SPOCK1: variants seen among roughly 807,000 people sequenced by gnomAD.
The protein encoded by SPOCK1 is testican-1.
SPOCK1 carries 23 observed loss-of-function variants against 55.3 expected under a neutral mutation model. The ratio of observed to expected loss-of-function variants is 0.42; its 90% CI spans 0.30 to 0.59. The LOEUF (loss-of-function observed/expected upper bound fraction) is 0.59. Ranked by LOEUF, SPOCK1 falls within the 20% of genes least tolerant of loss-of-function variation. The probability of loss-of-function intolerance (pLI) is 0.22; values close to 1 mark genes in which losing one functional copy is unlikely to be tolerated. For missense variants in SPOCK1, 499 were observed against 552.5 expected (o/e 0.90, Z 0.97); for synonymous variants, 226 against 221.0 (o/e 1.02, Z -0.20).
intron 3 of SPOCK1, among the ~76,000 whole-genome samples, chr5:137,261,857 C>T (rs1756747942): frequency 6.6e-6 from 1 of 152,158 alleles, no homozygotes; most frequent in African/African-American, 2.4e-5. Context: ...AACTTCATAG[C>T]CAAATAAATT....
chr5:137,352,418 CGCGGTGACT>C (rs1750700183), intron 2 of SPOCK1, among the ~76,000 whole-genome samples: 2 of 152,210 alleles, frequency 1.3e-5, no homozygotes, highest in African/African-American at 4.8e-5. Flanking sequence ...GTGGTTATAA[CGCGGTGACT>C]GCTGAGGATG....
rs1255285538 is a variant in SPOCK1 at position 137,454,845 on chromosome 5, A to G, written c.186+43528T>C. Among the ~76,000 whole-genome samples, 4 of 152,216 alleles carry G rather than the reference A, an allele frequency of 2.6e-5. No individual in the cohort carries two copies. The East Asian group carries it at 7.7e-4, about 29-fold the overall frequency. ...AATGCTGTCAAATCATATATATGCA[A>G]AAGGGGAGTTGCTTTTAGATGCCAG... On this transcript the variant is annotated intron_variant, in intron 2 of 10. Coordinates refer to ENST00000394945, the MANE Select transcript of SPOCK1 (RefSeq NM_004598.4).
At chr5:137,084,530 A>G (rs773236128) in intron 5 of SPOCK1, among the ~76,000 whole-genome samples, 8 of 152,090 alleles carry the variant, frequency 5.3e-5, no homozygotes, top group Non-Finnish European at 1.0e-4. Context: ...AATGAGGCCA[A>G]GTAGAATCAG....
At chr5:137,389,748 A>C (rs1436538000) in intron 2 of SPOCK1, among the ~76,000 whole-genome samples, 1 of 152,104 alleles carries the variant, frequency 6.6e-6, no homozygotes, top group East Asian at 1.9e-4. Context: ...TGGAAGAAAA[A>C]CCAGTTGGCC....
chr5:137,162,379 T>C (rs1416557014), intron 3 of SPOCK1, among the ~76,000 whole-genome samples: 2 of 152,128 alleles, frequency 1.3e-5, no homozygotes, highest in Non-Finnish European at 2.9e-5. Flanking sequence ...CCTCAGGTGA[T>C]TCTCCTGCCT....
chr5:137,255,167 G>T (rs1369540197), intron 3 of SPOCK1, among the ~76,000 whole-genome samples: 1 of 152,142 alleles, frequency 6.6e-6, no homozygotes, highest in African/African-American at 2.4e-5. Context: ...AAGCTTACTG[G>T]GGTATTCACT....
At chr5:137,170,676 C>G (rs1210866397) in intron 3 of SPOCK1, among the ~76,000 whole-genome samples, 1 of 151,894 alleles carries the variant, frequency 6.6e-6, no homozygotes, top group Non-Finnish European at 1.5e-5. Context: ...AAGTTGCCTG[C>G]AAGCCAGGAA....
intron 3 of SPOCK1, among the ~76,000 whole-genome samples, chr5:137,257,423 A>G (rs1384355829): frequency 6.6e-6 from 1 of 152,144 alleles, no homozygotes; most frequent in Non-Finnish European, 1.5e-5. Flanking sequence ...AAGGAACCTC[A>G]GAGAGTTCTC....
At chr5:137,411,794 T>C (rs556787184) in intron 2 of SPOCK1, among the ~76,000 whole-genome samples, 1 of 152,286 alleles carries the variant, frequency 6.6e-6, no homozygotes, top group South Asian at 2.1e-4. Context: ...ATAAATGCAA[T>C]GGATAATGAC....
At position 137,240,522 on chromosome 5, in the gene SPOCK1, C is replaced by A. The variant is rs576052155; in HGVS notation, c.232+26488G>T. Among the ~76,000 whole-genome samples the A allele has an allele frequency of 5.9e-5, 9 of 152,310 alleles. 1 individual carries two copies. In the Middle Eastern group the frequency reaches 0.02, roughly 345 times the overall value. Reference sequence around the variant, plus strand: ...GAGGGCTACACCCCAGTGATCCCGACACCTCCCACCAGATGCCACCTCCAA... The same window carrying A: ...GAGGGCTACACCCCAGTGATCCCGAAACCTCCCACCAGATGCCACCTCCAA... On this transcript the variant is annotated intron_variant, in intron 3 of 10. Coordinates refer to ENST00000394945, the MANE Select transcript of SPOCK1 (RefSeq NM_004598.4).
intron 3 of SPOCK1, among the ~76,000 whole-genome samples, chr5:137,252,357 A>C (rs1055864061): frequency 5.9e-5 from 9 of 152,234 alleles, no homozygotes; most frequent in African/African-American, 1.9e-4. Flanking sequence ...TCTAAGAAAA[A>C]TGGTACACAT....
intron 2 of SPOCK1, among the ~76,000 whole-genome samples, chr5:137,394,543 A>G (rs1395135116): frequency 6.6e-6 from 1 of 152,216 alleles, no homozygotes; most frequent in Non-Finnish European, 1.5e-5. Context: ...CTTCATCAGC[A>G]TTAGTGCTGG....
intron 2 of SPOCK1, among the ~76,000 whole-genome samples, chr5:137,296,388 C>T (rs867033374): frequency 6.6e-6 from 1 of 152,128 alleles, no homozygotes; most frequent in Non-Finnish European, 1.5e-5. Flanking sequence ...CATTAAAGGA[C>T]GTCATTTCTA....
At chr5:137,131,571 G>C (rs531731332) in intron 4 of SPOCK1, among the ~76,000 whole-genome samples, 2 of 151,872 alleles carry the variant, frequency 1.3e-5, no homozygotes, top group Admixed American at 6.6e-5. Flanking sequence ...TCATGCCACT[G>C]CACTCCAGCC....
intron 2 of SPOCK1, among the ~76,000 whole-genome samples, chr5:137,268,132 T>C (rs1272256452): frequency 2.0e-5 from 3 of 152,230 alleles, no homozygotes; most frequent in East Asian, 1.9e-4. Context: ...CACGATCTCC[T>C]GTGAATTTTA....
chr5:137,404,738 G>T (rs537240513), intron 2 of SPOCK1, among the ~76,000 whole-genome samples: 2 of 151,956 alleles, frequency 1.3e-5, no homozygotes, highest in African/African-American at 4.8e-5. Flanking sequence ...TTTAAATATC[G>T]TTGGTACAGG....
At chr5:137,267,203 G>T in intron 2 of SPOCK1, 148 bp from the exon 3 acceptor site, 1 of 628,792 alleles carries the variant, frequency 1.6e-6, no homozygotes, top group Non-Finnish European at 2.8e-6. Flanking sequence ...GCATTAATGT[G>T]TAATAAAAAA....
chr5:136,994,707 G>GCTAT (rs1751008834), intron 6 of SPOCK1, among the ~76,000 whole-genome samples: 1 of 151,096 alleles, frequency 6.6e-6, no homozygotes, highest in South Asian at 2.1e-4. Context: ...GCCATATATG[G>GCTAT]CTATTTACAT....
chr5:137,188,220 G>A (rs570148642), intron 3 of SPOCK1, among the ~76,000 whole-genome samples: 9 of 152,284 alleles, frequency 5.9e-5, no homozygotes, highest in South Asian at 2.1e-4. Context: ...CCAACTTGCC[G>A]CTTGCTCCAG....
Sources: allele counts gnomAD v4.1 joint callset (sites outside exome capture counted in the v4.1 genomes callset), GRCh38; gene constraint gnomAD v4.1.1; transcripts MANE v1.5; gene names NCBI Gene and HGNC (gene_info 2026-07-23, HGNC 2026-07-21).